Variants in MYO5A observed in about 807,000 individuals in gnomAD.
MYO5A encodes myosin VA.
Under a neutral mutation model 249.7 loss-of-function variants are expected in MYO5A, and 98 were observed. That is an observed-to-expected ratio of 0.39 (90% CI 0.33 to 0.46). The LOEUF (loss-of-function observed/expected upper bound fraction) is 0.46. Among genes scored for constraint, MYO5A ranks in the 20% least tolerant of loss-of-function variants. The pLI is 0.98. For missense variants in MYO5A, 1,696 were observed against 2,308.8 expected, an observed-to-expected ratio of 0.73 and a Z score of 5.44; for synonymous variants, 778 against 810.6, an observed-to-expected ratio of 0.96 and a Z score of 0.68.
At chr15:52,483,726 C>T (rs918152436) in intron 1 of MYO5A, among the ~76,000 whole-genome samples, 5 of 152,138 alleles carry the variant, frequency 3.3e-5, no homozygotes, top group African/African-American at 1.2e-4. Context: ...GGCAAGAATG[C>T]GAAGGTCCAT....
At position 52,313,110 on chromosome 15, in the gene MYO5A, A is replaced by C; in HGVS notation, c.*586T>G. On this transcript the variant is annotated 3_prime_UTR_variant, in exon 42 of 42. Coordinates refer to ENST00000399233, the MANE Select transcript of MYO5A (RefSeq NM_001382347.1). ...TATAGTACAAATGGACATCTATACT[A>C]TTTAGCAAACCAACATTCCTTTAAT... is the stretch of plus-strand genomic sequence containing the variant. 6.4e-6 allele frequency: 1 copy of C among 156,786 alleles called. No individual in the cohort carries two copies. Among genetic ancestry groups the C allele is most frequent in the Non-Finnish European group, 1.4e-5 (1 of 70,428 alleles). 9.7% of individuals were successfully genotyped at this position (156,786 alleles called of 1,614,324 possible).
chr15:52,410,564 G>C, intron 5 of MYO5A, 88 bp from the exon 6 acceptor site: 3 of 1,198,864 alleles, frequency 2.5e-6, no homozygotes, highest in Non-Finnish European at 3.7e-6. Flanking sequence ...AAAAGATGGA[G>C]TAGAACACAG....
At chr15:52,339,167 T>C (rs1232555633) in intron 32 of MYO5A, among the ~76,000 whole-genome samples, 1 of 152,194 alleles carries the variant, frequency 6.6e-6, no homozygotes, top group African/African-American at 2.4e-5. Context: ...GTTTTGCTTC[T>C]AATTCATATA....
intron 1 of MYO5A, among the ~76,000 whole-genome samples, chr15:52,441,255 T>C (rs558848295): frequency 6.6e-6 from 1 of 152,268 alleles, no homozygotes; most frequent in African/African-American, 2.4e-5. Context: ...TTGCCCCCCT[T>C]AGTAATGGTG....
chr15:52,352,167 C>T (rs1055995277), intron 27 of MYO5A, among the ~76,000 whole-genome samples: 2 of 152,198 alleles, frequency 1.3e-5, no homozygotes, highest in African/African-American at 4.8e-5. Flanking sequence ...TGCACATCCT[C>T]ATCCCTCCAA....
intron 1 of MYO5A, chr15:52,435,632 G>A (rs1209350741): frequency 2.2e-6 from 1 of 454,932 alleles, no homozygotes; most frequent in Middle Eastern, 4.0e-4. Flanking sequence ...GGAAGCTGCT[G>A]TGGTATATTG....
intron 1 of MYO5A, among the ~76,000 whole-genome samples, chr15:52,477,450 G>A (rs1021522785): frequency 6.6e-6 from 1 of 152,188 alleles, no homozygotes. Flanking sequence ...GCAAGGAGCT[G>A]CGTTCCTTTG....
In MYO5A at chr15:52,317,034, G is replaced by C. The variant is rs568236269; in HGVS notation, c.5409+14C>G. The C allele has an allele frequency of 1.9e-6, 3 of 1,609,400 alleles. No homozygotes were observed. The highest frequency in any genetic ancestry group is 2.6e-6 in the Non-Finnish European group (3 of 1,175,722). Reference sequence around the variant, plus strand: ...GAATGTTAAATTATTTTGTAACAGGGAAAGTTGCTCTACCTGGGCAGTAGT... The same window carrying C: ...GAATGTTAAATTATTTTGTAACAGGCAAAGTTGCTCTACCTGGGCAGTAGT... On this transcript the variant is annotated intron_variant, in intron 40 of 41. Coordinates refer to ENST00000399233, the MANE Select transcript of MYO5A (RefSeq NM_001382347.1).
intron 23 of MYO5A, 108 bp downstream of exon 23, chr15:52,366,923 A>T (rs2040840783): frequency 1.0e-6 from 1 of 1,004,896 alleles, no homozygotes; most frequent in Non-Finnish European, 1.5e-6. Context: ...CTCAACTTTT[A>T]AAAATATTTA....
At chr15:52,379,117 T>C (rs573756938) in intron 18 of MYO5A, among the ~76,000 whole-genome samples, 1 of 152,308 alleles carries the variant, frequency 6.6e-6, no homozygotes, top group African/African-American at 2.4e-5. Context: ...ACCTTACCCA[T>C]TCTCAGGGCC....
intron 1 of MYO5A, 128 bp from the exon 2 acceptor site, chr15:52,433,413 CTTTTTTTTTTT>C (rs151276395): frequency 1.4e-5 from 4 of 275,914 alleles, no homozygotes; most frequent in African/African-American, 3.2e-5. Flanking sequence ...ATGAAATTCA[CTTTTTTTTTTT>C]TTTTTTTTTT....
At chr15:52,447,398 T>C (rs2075915344) in intron 1 of MYO5A, among the ~76,000 whole-genome samples, 1 of 152,214 alleles carries the variant, frequency 6.6e-6, no homozygotes, top group African/African-American at 2.4e-5. Context: ...CTGTACATCC[T>C]GCAGAACCAT....
In MYO5A at chr15:52,319,554, A is replaced by T. The variant is rs544928866; in HGVS notation, c.4952-212T>A. On this transcript the variant is annotated intron_variant, in intron 38 of 41. Transcript: ENST00000399233. ...AAGACCAGCCTGGCCAACATAAGGA[A>T]ACCCCGTCTCTATTGAAAATACAAA... Among the ~76,000 whole-genome samples, 6 of 152,200 alleles carry T rather than the reference A, an allele frequency of 3.9e-5. No individual in the cohort carries two copies. The East Asian group carries it at 1.2e-3, about 29-fold the overall frequency.
At chr15:52,477,026 A>G (rs1350982061) in intron 1 of MYO5A, among the ~76,000 whole-genome samples, 1 of 152,250 alleles carries the variant, frequency 6.6e-6, no homozygotes, top group Non-Finnish European at 1.5e-5. Context: ...ACTTTCAGGT[A>G]CGCCAATCAG....
intron 1 of MYO5A, among the ~76,000 whole-genome samples, chr15:52,521,785 C>T (rs1421169823): frequency 6.6e-6 from 1 of 152,168 alleles, no homozygotes; most frequent in African/African-American, 2.4e-5. Context: ...ATGCCTGAGG[C>T]ATGAAGAGCC....
At chr15:52,475,477 G>A (rs2141469689) in intron 1 of MYO5A, among the ~76,000 whole-genome samples, 1 of 152,274 alleles carries the variant, frequency 6.6e-6, no homozygotes, top group African/African-American at 2.4e-5. Flanking sequence ...TAATTGTGAT[G>A]TTAGGGTGTC....
chr15:52,359,153 A>T (rs1441092840), intron 25 of MYO5A, among the ~76,000 whole-genome samples: 1 of 152,248 alleles, frequency 6.6e-6, no homozygotes, highest in Non-Finnish European at 1.5e-5. Flanking sequence ...GATGGCAGAA[A>T]CTTCATTCTT....
intron 10 of MYO5A, 131 bp from the exon 11 acceptor site, chr15:52,396,528 A>T: frequency 1.6e-6 from 1 of 632,636 alleles, no homozygotes; most frequent in East Asian, 2.8e-5. Context: ...TTTCCATATC[A>T]GTGAAAATAA....
intron 1 of MYO5A, among the ~76,000 whole-genome samples, chr15:52,453,241 C>A (rs576546835): frequency 8.6e-5 from 13 of 152,012 alleles, no homozygotes; most frequent in African/African-American, 3.1e-4. Flanking sequence ...ACCTCTCAAG[C>A]GAAAGTATAT....
Sources: gnomAD v4.1 joint callset for allele counts (sites outside exome capture counted in the v4.1 genomes callset) on GRCh38, gnomAD v4.1.1 for gene constraint, MANE v1.5 for transcripts, NCBI Gene and HGNC (gene_info 2026-07-23, HGNC 2026-07-21) for gene names.